The following TM9SF4 variants were observed in gnomAD, a reference collection of about 807,000 sequenced individuals.
TM9SF4 encodes transmembrane 9 superfamily member 4.
Under a neutral mutation model 90.4 loss-of-function variants are expected in TM9SF4, and 26 were observed. The ratio of observed to expected loss-of-function variants is 0.29; its 90% CI spans 0.21 to 0.40. TM9SF4 has a LOEUF of 0.40. TM9SF4 is among the 10% of genes least tolerant of loss of function. TM9SF4 has a pLI of 1.00. For synonymous variants in TM9SF4, 293 were observed against 315.4 expected, an observed-to-expected ratio of 0.93 and a Z score of 0.75; for missense variants, 549 against 834.8, an observed-to-expected ratio of 0.66 and a Z score of 4.22.
At chr20:32,152,946 A>G (rs2046864761) in intron 12 of TM9SF4, among the ~76,000 whole-genome samples, 1 of 152,126 alleles carries the variant, frequency 6.6e-6, no homozygotes, top group Non-Finnish European at 1.5e-5. Flanking sequence ...CAGTTAGTAA[A>G]TTTCAGCCAG....
Position 32,143,031 on chromosome 20 carries a change from A to G in TM9SF4, c.578A>G (p.Asp193Gly). 1.9e-6 allele frequency: 3 copies of G among 1,613,904 alleles called. No individual in the cohort carries two copies. The highest frequency in any genetic ancestry group is 2.5e-6 in the Non-Finnish European group (3 of 1,179,884). The change falls in exon 6 of 18, where the codon GAC (aspartate) becomes GGC (glycine). Residue 193 changes from aspartate (D) to glycine (G), a missense_variant. By Grantham distance (94) the Asp-to-Gly change is moderately conservative (BLOSUM62 -1). Transcript: ENST00000398022. ...LSFILYYHRE[D>G]MEEDQEHTYR... is the part of the protein sequence containing the mutation. Reference sequence around the variant, plus strand: ...TTCATCCTTTACTATCATCGGGAGGACATGGAAGAGGACCAGGAGCACACG... The same window carrying G: ...TTCATCCTTTACTATCATCGGGAGGGCATGGAAGAGGACCAGGAGCACACG...
At chr20:32,110,744 G>A (rs139382329) in intron 1 of TM9SF4, among the ~76,000 whole-genome samples, 1 of 152,158 alleles carries the variant, frequency 6.6e-6, no homozygotes, top group Non-Finnish European at 1.5e-5. Flanking sequence ...AGGTAAAATA[G>A]CCATGCTTGG....
At chr20:32,124,914 A>G (rs1384982367) in intron 1 of TM9SF4, among the ~76,000 whole-genome samples, 1 of 152,060 alleles carries the variant, frequency 6.6e-6, no homozygotes, top group Non-Finnish European at 1.5e-5. Flanking sequence ...AACCCCATCA[A>G]ACCCAACTTG....
Position 32,145,298 on chromosome 20 carries a change from C to A in TM9SF4, c.772-14C>A. 6.2e-7 allele frequency: 1 copy of A among 1,613,960 alleles called. No individual in the cohort carries two copies. The highest frequency in any genetic ancestry group is 8.5e-7 in the Non-Finnish European group (1 of 1,179,844). On this transcript the variant is annotated splice_polypyrimidine_tract_variant and intron_variant, in intron 7 of 17. Coordinates refer to ENST00000398022, the MANE Select transcript of TM9SF4 (RefSeq NM_014742.4). ...CAGGATGCCTGACTCTAAGTGCTTC[C>A]TCCCACCTGCCAGGAAAGTGATATC...
intron 1 of TM9SF4, among the ~76,000 whole-genome samples, chr20:32,128,623 T>C (rs1316690784): frequency 6.6e-6 from 1 of 152,202 alleles, no homozygotes; most frequent in East Asian, 1.9e-4. Context: ...TATTCCACAC[T>C]GTGTGTCCAT....
At position 32,150,735 on chromosome 20, in the gene TM9SF4, G is replaced by A. The variant is rs944303820; in HGVS notation, c.1169+32G>A. ...GTGTCTGAGTGGGCTCCCGGGGGCG[G>A]CACAGGCCTCCTCCACACCAGCTAA... On this transcript the variant is annotated intron_variant, in intron 11 of 17. Transcript: ENST00000398022. 14 of 1,614,130 alleles carry A rather than the reference G, an allele frequency of 8.7e-6. No individual in the cohort carries two copies. The Admixed American group carries it at 1.3e-4, about 15-fold the overall frequency.
At chr20:32,123,029 C>T (rs1391376240) in intron 1 of TM9SF4, among the ~76,000 whole-genome samples, 17 of 150,634 alleles carry the variant, frequency 1.1e-4, no homozygotes, top group African/African-American at 3.9e-4. Flanking sequence ...ACCAGTCAGG[C>T]GTGGCGGCGT....
intron 1 of TM9SF4, among the ~76,000 whole-genome samples, chr20:32,131,217 T>C (rs1287473967): frequency 6.6e-6 from 1 of 152,180 alleles, no homozygotes; most frequent in African/African-American, 2.4e-5. Context: ...GCTTTCCTAA[T>C]GAACATCAGC....
intron 1 of TM9SF4, among the ~76,000 whole-genome samples, chr20:32,115,069 T>C (rs1274118122): frequency 6.6e-6 from 1 of 152,344 alleles, no homozygotes; most frequent in Non-Finnish European, 1.5e-5. Context: ...GCTGTTGTGT[T>C]GGTTGTATTG....
At chr20:32,136,870 AC>A (rs2046601886) in intron 3 of TM9SF4, 2 of 471,058 alleles carry the variant, frequency 4.2e-6, no homozygotes, top group African/African-American at 4.0e-5. Context: ...CTTTTCTTAC[AC>A]CTTAGGAAGG....
In TM9SF4 at chr20:32,142,015, G is replaced by C; in HGVS notation, c.528+120G>C. ...AAGTTTCTCCAGGTGCCCTGGGCATGATGGTCTGTCAGAGGTCCGAGTGCT... is the reference window on the plus strand; with the variant it reads ...AAGTTTCTCCAGGTGCCCTGGGCATCATGGTCTGTCAGAGGTCCGAGTGCT... On this transcript the variant is annotated intron_variant, in intron 5 of 17. Coordinates refer to ENST00000398022, the MANE Select transcript of TM9SF4 (RefSeq NM_014742.4). The C allele has an allele frequency of 2.6e-6, 4 of 1,512,396 alleles. No homozygotes were observed. In the South Asian group the frequency reaches 5.0e-5, roughly 19 times the overall value. 93.7% of individuals were successfully genotyped at this position (1,512,396 alleles called of 1,614,324 possible).
At chr20:32,161,164 C>A (rs2047012785) in intron 16 of TM9SF4, 112 bp from the exon 17 acceptor site, 3 of 798,816 alleles carry the variant, frequency 3.8e-6, no homozygotes, top group Admixed American at 2.1e-5. Context: ...ATTTCCATCA[C>A]CCCATATGTT....
At chr20:32,134,346 A>G (rs1218432896) in intron 2 of TM9SF4, among the ~76,000 whole-genome samples, 2 of 152,172 alleles carry the variant, frequency 1.3e-5, no homozygotes, top group African/African-American at 2.4e-5. Flanking sequence ...GTCCTGAGTG[A>G]GAATGCTAAG....
intron 14 of TM9SF4, 54 bp downstream of exon 14, chr20:32,158,023 C>G (rs540730935): frequency 9.4e-6 from 15 of 1,598,448 alleles, no homozygotes; most frequent in East Asian, 2.2e-5. Context: ...GGTACGCCCC[C>G]CTCCGCCACC....
chr20:32,123,303 G>A (rs2046363748), intron 1 of TM9SF4, among the ~76,000 whole-genome samples: 1 of 147,656 alleles, frequency 6.8e-6, no homozygotes, highest in South Asian at 2.1e-4. Flanking sequence ...TACCTTCTAT[G>A]TAAGTATATA....
At chr20:32,140,685 G>A (rs968802184) in intron 3 of TM9SF4, among the ~76,000 whole-genome samples, 1 of 152,216 alleles carries the variant, frequency 6.6e-6, no homozygotes, top group Non-Finnish European at 1.5e-5. Context: ...GAGGCTCAGT[G>A]AGATGGAGTG....
At chr20:32,121,841 C>T (rs2046313728) in intron 1 of TM9SF4, among the ~76,000 whole-genome samples, 1 of 150,654 alleles carries the variant, frequency 6.6e-6, no homozygotes, top group Non-Finnish European at 1.5e-5. Flanking sequence ...GCTGAACCCC[C>T]CACCTCCCTC....
At chr20:32,127,519 G>C (rs2046440520) in intron 1 of TM9SF4, among the ~76,000 whole-genome samples, 1 of 152,194 alleles carries the variant, frequency 6.6e-6, no homozygotes, top group Admixed American at 6.5e-5. Flanking sequence ...TTGGTAAGTG[G>C]AAAGAAGGAA....
chr20:32,124,594 T>G (rs902499557), intron 1 of TM9SF4, among the ~76,000 whole-genome samples: 1 of 151,970 alleles, frequency 6.6e-6, no homozygotes, highest in African/African-American at 2.4e-5. Context: ...TAAAAACTTT[T>G]TTTTTTTTTT....
Sources: allele counts gnomAD v4.1 joint callset (sites outside exome capture counted in the v4.1 genomes callset), GRCh38; gene constraint gnomAD v4.1.1; transcripts MANE v1.5; gene names NCBI Gene and HGNC (gene_info 2026-07-23, HGNC 2026-07-21).